Variants in PRRX2 observed in about 807,000 individuals in gnomAD.
PRRX2 encodes the protein paired related homeobox 2, also known as paired mesoderm homeobox protein 2.
PRRX2 carries 11 observed loss-of-function variants against 18.0 expected under a neutral mutation model. The observed-to-expected ratio is 0.61, with a 90% CI of 0.39 to 1.01. The LOEUF is 1.01. PRRX2 is among the 50% of genes least tolerant of loss of function. The pLI, the probability that PRRX2 is intolerant of heterozygous loss-of-function variation, is 0.01. For missense variants in PRRX2, 387 were observed against 351.0 expected, an observed-to-expected ratio of 1.10 and a Z score of -0.82; for synonymous variants, 177 against 154.8, an observed-to-expected ratio of 1.14 and a Z score of -1.06.
At chr9:129,716,271 T>C (rs1445248302) in intron 1 of PRRX2, among the ~76,000 whole-genome samples, 2 of 152,094 alleles carry the variant, frequency 1.3e-5, no homozygotes, top group African/African-American at 2.4e-5. Flanking sequence ...TTCCAAGAGA[T>C]TGGAAACCCT....
chr9:129,680,412 A>AAAAAAG (rs1554722740), intron 1 of PRRX2, among the ~76,000 whole-genome samples: 12 of 134,780 alleles, frequency 8.9e-5, no homozygotes, highest in African/African-American at 2.0e-4. Flanking sequence ...AAAAAAAAAA[A>AAAAAAG]AAAAGAAAAG....
At chr9:129,694,826 C>T (rs1417786655) in intron 1 of PRRX2, among the ~76,000 whole-genome samples, 1 of 152,108 alleles carries the variant, frequency 6.6e-6, no homozygotes, top group Admixed American at 6.5e-5. Flanking sequence ...GGAGGGAGCC[C>T]CATTCAGAAT....
intron 1 of PRRX2, among the ~76,000 whole-genome samples, chr9:129,716,097 C>T (rs1366170826): frequency 1.3e-5 from 2 of 152,140 alleles, no homozygotes; most frequent in Non-Finnish European, 2.9e-5. Flanking sequence ...CAAACCCGGC[C>T]GGTGGGAATG....
chr9:129,720,523 GCACA>G, intron 2 of PRRX2, 69 bp from the exon 3 acceptor site: 2 of 1,416,010 alleles, frequency 1.4e-6, no homozygotes, highest in Non-Finnish European at 1.9e-6. Context: ...GACAGAGCAG[GCACA>G]CACCCAGGTC....
At chr9:129,701,724 A>T (rs757241933) in intron 1 of PRRX2, among the ~76,000 whole-genome samples, 5 of 152,240 alleles carry the variant, frequency 3.3e-5, no homozygotes, top group Admixed American at 6.5e-5. Context: ...AGCTAGATAC[A>T]TGTGGACATG....
At chr9:129,674,468 G>C (rs1295003060) in intron 1 of PRRX2, among the ~76,000 whole-genome samples, 1 of 152,148 alleles carries the variant, frequency 6.6e-6, no homozygotes, top group Non-Finnish European at 1.5e-5. Context: ...AGCAGCCAAG[G>C]AGCTGAGGCC....
chr9:129,712,497 T>C (rs148491949), intron 1 of PRRX2, among the ~76,000 whole-genome samples: 4 of 152,298 alleles, frequency 2.6e-5, no homozygotes, highest in Admixed American at 6.5e-5. Flanking sequence ...ATCATTTGGC[T>C]GAGAGCAGAG....
At chr9:129,684,427 A>AC (rs1440354447) in intron 1 of PRRX2, among the ~76,000 whole-genome samples, 1 of 82,928 alleles carries the variant, frequency 1.2e-5, no homozygotes, top group African/African-American at 4.6e-5. Flanking sequence ...ACACAGATAC[A>AC]ACACACACAC....
intron 1 of PRRX2, among the ~76,000 whole-genome samples, chr9:129,684,524 C>CACACACACACACACACACACACACACA (rs1564147490): frequency 1.6e-4 from 7 of 45,008 alleles, no homozygotes; most frequent in African/African-American, 3.4e-4. Flanking sequence ...ACACACACAC[C>CACACACACACACACACACACACACACA]CACACACACC....
rs563596273 is a variant in PRRX2 at position 129,695,489 on chromosome 9, C to T, written c.260-23742C>T. 1.3e-5 allele frequency among the ~76,000 whole-genome samples: 2 copies of T among 152,340 alleles called. No individual in the cohort carries two copies. The highest frequency in any genetic ancestry group is 1.9e-4 in the East Asian group (1 of 5,180). The stretch of plus-strand genomic sequence containing the variant: ...GTGCTTCTTTGGTTTGGTTTTTATA[C>T]ACCCCACAGCCTTGTTGTGTTTACC... On this transcript the variant is annotated intron_variant, in intron 1 of 3. Coordinates refer to ENST00000372469, the MANE Select transcript of PRRX2 (RefSeq NM_016307.4). The surrounding 1 kb of genome is among the most constrained non-coding windows in gnomAD (Gnocchi z 4.8).
At position 129,722,468 on chromosome 9, in the gene PRRX2, C is replaced by T. The variant is rs939594973; in HGVS notation, c.*116C>T. ...AGCTCTCCTGGCCCGTCTGTCCAGC[C>T]TGGACTCCCGAGCCCACGAGGCTGT... On this transcript the variant is annotated 3_prime_UTR_variant, in exon 4 of 4. Coordinates refer to ENST00000372469, the MANE Select transcript of PRRX2 (RefSeq NM_016307.4). 3 of 1,276,038 alleles carry T rather than the reference C, an allele frequency of 2.4e-6. No homozygotes were observed. The highest frequency in any genetic ancestry group is 3.1e-6 in the Non-Finnish European group (3 of 976,672). 79.0% of individuals were successfully genotyped at this position (1,276,038 alleles called of 1,614,324 possible).
chr9:129,683,745 AAAAAAT>A, intron 1 of PRRX2, among the ~76,000 whole-genome samples: 1 of 151,160 alleles, frequency 6.6e-6, no homozygotes, highest in South Asian at 2.1e-4. Context: ...AAAAAAAAAT[AAAAAAT>A]AAAAAAGACA....
intron 1 of PRRX2, among the ~76,000 whole-genome samples, chr9:129,696,805 G>A (rs960863868): frequency 8.8e-5 from 13 of 147,780 alleles, no homozygotes; most frequent in African/African-American, 2.9e-4. Context: ...GTGCAGAGGG[G>A]GTCCCTGACA....
At chr9:129,681,457 T>A (rs1428723949) in intron 1 of PRRX2, among the ~76,000 whole-genome samples, 1 of 151,122 alleles carries the variant, frequency 6.6e-6, no homozygotes, top group Non-Finnish European at 1.5e-5. Context: ...GAGGTGGAGG[T>A]TGTAGTGAGC....
At chr9:129,678,458 T>C (rs1374777206) in intron 1 of PRRX2, among the ~76,000 whole-genome samples, 1 of 152,156 alleles carries the variant, frequency 6.6e-6, no homozygotes, top group African/African-American at 2.4e-5. Context: ...TGCTGGATGC[T>C]ATGACAACAC....
chr9:129,683,127 G>T (rs965753223), intron 1 of PRRX2, among the ~76,000 whole-genome samples: 1 of 151,886 alleles, frequency 6.6e-6, no homozygotes, highest in African/African-American at 2.4e-5. Context: ...ATTCCCTCTG[G>T]CTATGCCAGT....
chr9:129,708,264 G>A (rs969109123), intron 1 of PRRX2, among the ~76,000 whole-genome samples: 3 of 152,144 alleles, frequency 2.0e-5, no homozygotes, highest in Non-Finnish European at 4.4e-5. Context: ...TCGAACTCCT[G>A]ACCTCAAGCA....
At chr9:129,681,612 C>T (rs1259486732) in intron 1 of PRRX2, among the ~76,000 whole-genome samples, 1 of 152,108 alleles carries the variant, frequency 6.6e-6, no homozygotes, top group Non-Finnish European at 1.5e-5. Context: ...GTCTGGGGCA[C>T]CCAGAAAAGT....
At chr9:129,705,168 C>T (rs1368186753) in intron 1 of PRRX2, among the ~76,000 whole-genome samples, 3 of 108,006 alleles carry the variant, frequency 2.8e-5, no homozygotes, top group Non-Finnish European at 5.4e-5. Context: ...CCAACAGGTG[C>T]CCCCCTCTCT....
Sources: gnomAD v4.1 joint callset for allele counts (sites outside exome capture counted in the v4.1 genomes callset) on GRCh38, gnomAD v4.1.1 for gene constraint, Gnocchi (gnomAD v3.1) non-coding constraint, MANE v1.5 for transcripts, NCBI Gene and HGNC (gene_info 2026-07-23, HGNC 2026-07-21) for gene names.